The following SAMMSON variants were observed in gnomAD, a reference collection of about 807,000 sequenced individuals.
The protein encoded by SAMMSON is survival associated mitochondrial melanoma specific oncogenic non-coding RNA, also known as long intergenic non-protein coding RNA 1212.
At chr3:70,115,814 A>G (rs897902181) in intron 4 of SAMMSON, among the ~76,000 whole-genome samples, 3 of 152,158 alleles carry the variant, frequency 2.0e-5, no homozygotes, top group Non-Finnish European at 2.9e-5. Flanking sequence ...AAAAAGACAC[A>G]TTGACTCTAA....
intron 9 of SAMMSON, among the ~76,000 whole-genome samples, chr3:70,374,054 A>G (rs1702991704): frequency 6.6e-6 from 1 of 152,138 alleles, no homozygotes. Context: ...AGCTGCGATT[A>G]GAAGCATGTG....
chr3:70,374,657 C>T (rs1159085044), intron 9 of SAMMSON, among the ~76,000 whole-genome samples: 1 of 152,120 alleles, frequency 6.6e-6, no homozygotes, highest in Non-Finnish European at 1.5e-5. Context: ...AGAAGAGCCT[C>T]ACTGTTGACT....
intron 4 of SAMMSON, among the ~76,000 whole-genome samples, chr3:70,104,427 G>A (rs984318716): frequency 6.6e-6 from 1 of 152,030 alleles, no homozygotes; most frequent in Non-Finnish European, 1.5e-5. Flanking sequence ...CGCCTGACAA[G>A]CAGTAGATAT....
At chr3:70,429,482 G>GT (rs1473684764) in intron 2 of SAMMSON, among the ~76,000 whole-genome samples, 1 of 151,698 alleles carries the variant, frequency 6.6e-6, no homozygotes, top group African/African-American at 2.4e-5. Flanking sequence ...ATTTAAAGTA[G>GT]TTTTTTTCTA....
intron 4 of SAMMSON, among the ~76,000 whole-genome samples, chr3:70,159,042 T>A (rs1175806174): frequency 6.6e-6 from 1 of 152,034 alleles, no homozygotes; most frequent in African/African-American, 2.4e-5. Flanking sequence ...AATTGACCAG[T>A]CATTTTACAT....
chr3:70,268,362 C>CTACT (rs1191628796), intron 6 of SAMMSON, among the ~76,000 whole-genome samples: 1 of 151,036 alleles, frequency 6.6e-6, no homozygotes, highest in Non-Finnish European at 1.5e-5. Flanking sequence ...GTAGTCGTAG[C>CTACT]TACTTGGGAG....
At chr3:70,260,492 A>G (rs908702228) in intron 6 of SAMMSON, among the ~76,000 whole-genome samples, 2 of 152,090 alleles carry the variant, frequency 1.3e-5, no homozygotes, top group Admixed American at 6.6e-5. Flanking sequence ...TAACAGCCCC[A>G]TTCCCTATCA....
At chr3:70,130,156 T>C (rs2067476379) in intron 4 of SAMMSON, among the ~76,000 whole-genome samples, 2 of 152,176 alleles carry the variant, frequency 1.3e-5, no homozygotes, top group South Asian at 4.1e-4. Flanking sequence ...CCATTGAATG[T>C]TGAATGTTTC....
intron 4 of SAMMSON, among the ~76,000 whole-genome samples, chr3:70,145,509 A>G (rs2067544873): frequency 6.6e-6 from 1 of 152,142 alleles, no homozygotes; most frequent in Non-Finnish European, 1.5e-5. Flanking sequence ...TGCTCTCTGA[A>G]TACAATGTAT....
intron 1 of SAMMSON, among the ~76,000 whole-genome samples, chr3:70,011,355 A>C (rs2066954787): frequency 6.6e-6 from 1 of 152,094 alleles, no homozygotes; most frequent in Admixed American, 6.5e-5. Flanking sequence ...TCAATTCCAA[A>C]GATTTGGTCA....
chr3:70,055,917 C>G, intron 3 of SAMMSON, among the ~76,000 whole-genome samples: 1 of 151,996 alleles, frequency 6.6e-6, no homozygotes, highest in Admixed American at 6.6e-5. Flanking sequence ...TTCATTTACT[C>G]AGAGATATTT....
intron 6 of SAMMSON, among the ~76,000 whole-genome samples, chr3:70,254,315 C>T (rs1241394506): frequency 6.6e-6 from 1 of 152,110 alleles, no homozygotes; most frequent in Admixed American, 6.6e-5. Flanking sequence ...ATCTCAACCC[C>T]AAACATTCTA....
At chr3:70,330,078 T>G (rs535937463) in intron 7 of SAMMSON, among the ~76,000 whole-genome samples, 9 of 151,928 alleles carry the variant, frequency 5.9e-5, no homozygotes, top group African/African-American at 2.2e-4. Flanking sequence ...TAACTCTGTT[T>G]CAAAAAAGAA....
At chr3:70,387,312 C>T (rs1294304109) in intron 9 of SAMMSON, among the ~76,000 whole-genome samples, 1 of 151,984 alleles carries the variant, frequency 6.6e-6, no homozygotes, top group African/African-American at 2.4e-5. Flanking sequence ...GTGCACAAAT[C>T]ATTTTCTTCT....
intron 4 of SAMMSON, among the ~76,000 whole-genome samples, chr3:70,167,910 AGTG>A (rs1184894861): frequency 6.6e-6 from 1 of 151,900 alleles, no homozygotes; most frequent in Non-Finnish European, 1.5e-5. Context: ...TTGTAATGAG[AGTG>A]GCTAAAGTAT....
At chr3:70,244,231 A>G (rs916036269) in intron 4 of SAMMSON, among the ~76,000 whole-genome samples, 1 of 152,224 alleles carries the variant, frequency 6.6e-6, no homozygotes, top group African/African-American at 2.4e-5. Flanking sequence ...AATGCACTCC[A>G]GTAAGGAACT....
At chr3:70,349,110 C>T (rs1702773363) in intron 7 of SAMMSON, among the ~76,000 whole-genome samples, 1 of 152,124 alleles carries the variant, frequency 6.6e-6, no homozygotes, top group African/African-American at 2.4e-5. Flanking sequence ...CACAGTGGTT[C>T]ATGCCTGTAA....
intron 2 of SAMMSON, among the ~76,000 whole-genome samples, chr3:70,424,159 G>A (rs1701335438): frequency 6.6e-6 from 1 of 152,078 alleles, no homozygotes; most frequent in Admixed American, 6.6e-5. Context: ...TTTTTAAACT[G>A]AAAATCTCCT....
chr3:70,119,545 G>A (rs1426083114), intron 4 of SAMMSON, among the ~76,000 whole-genome samples: 1 of 152,136 alleles, frequency 6.6e-6, no homozygotes, highest in Admixed American at 6.5e-5. Context: ...TGACATTCAG[G>A]AAAATATTGT....
Sources: gnomAD v4.1 joint callset for allele counts (sites outside exome capture counted in the v4.1 genomes callset) on GRCh38, gnomAD v4.1.1 for gene constraint, MANE v1.5 for transcripts, NCBI Gene and HGNC (gene_info 2026-07-23, HGNC 2026-07-21) for gene names.